ST3GAL3: variants seen among roughly 807,000 people sequenced by gnomAD.
ST3GAL3 encodes CMP-N-acetylneuraminate-beta-1,4-galactoside alpha-2,3-sialyltransferase.
A neutral mutation model predicts 50.1 loss-of-function variants in ST3GAL3; 21 were observed. That is an observed-to-expected ratio of 0.42 (90% CI 0.30 to 0.60). The LOEUF (loss-of-function observed/expected upper bound fraction) is 0.60. Ranked by LOEUF, ST3GAL3 falls within the 20% of genes least tolerant of loss-of-function variation. ST3GAL3 has a pLI of 0.19. For synonymous variants in ST3GAL3, 183 were observed against 190.0 expected (o/e 0.96, Z 0.30); for missense variants, 353 against 489.4 (o/e 0.72, Z 2.63).
chr1:43,927,070 C>G (rs1366196855), intron 11 of ST3GAL3, among the ~76,000 whole-genome samples: 1 of 152,230 alleles, frequency 6.6e-6, no homozygotes, highest in African/African-American at 2.4e-5. Flanking sequence ...TGGCTCACGC[C>G]TGTAATCTCA....
At chr1:43,726,206 T>C (rs1672846959) in intron 1 of ST3GAL3, among the ~76,000 whole-genome samples, 1 of 152,182 alleles carries the variant, frequency 6.6e-6, no homozygotes, top group Non-Finnish European at 1.5e-5. Flanking sequence ...TCTGTCAGAT[T>C]TCTCAACTTC....
intron 5 of ST3GAL3, among the ~76,000 whole-genome samples, chr1:43,874,245 G>A (rs1044531742): frequency 1.3e-5 from 2 of 152,200 alleles, no homozygotes; most frequent in Admixed American, 6.5e-5. Flanking sequence ...TGGTTACTCT[G>A]TTGATAGGTT....
chr1:43,765,966 C>T lies in ST3GAL3; in HGVS notation c.119-26136C>T, dbSNP rs569634100. On this transcript the variant is annotated intron_variant, in intron 2 of 11. Coordinates refer to ENST00000347631, the MANE Select transcript of ST3GAL3 (RefSeq NM_006279.5). ...GAGATAGATGTGTGCTGCAGGGAAG[C>T]ACATGAGCTTCTCTGTGCTTGAAGA... 3.3e-5 allele frequency among the ~76,000 whole-genome samples: 5 copies of T among 152,066 alleles called. No homozygotes were observed. In the South Asian group the frequency reaches 6.2e-4, roughly 19 times the overall value.
intron 9 of ST3GAL3, among the ~76,000 whole-genome samples, chr1:43,905,051 A>G (rs111162316): frequency 3.0e-3 from 72 of 24,302 alleles, no homozygotes; most frequent in Middle Eastern, 0.031. Context: ...TCCTCTTCCC[A>G]CCACTCTTCC....
chr1:43,861,533 C>T (rs1335109577), intron 5 of ST3GAL3, among the ~76,000 whole-genome samples: 1 of 152,084 alleles, frequency 6.6e-6, no homozygotes, highest in Non-Finnish European at 1.5e-5. Context: ...TTTGGCAACT[C>T]CAGCTACACA....
chr1:43,778,354 A>C (rs1698076078), intron 2 of ST3GAL3, among the ~76,000 whole-genome samples: 1 of 152,220 alleles, frequency 6.6e-6, no homozygotes. Context: ...CTGTGCAGCA[A>C]GTCACCATGG....
At chr1:43,860,967 C>T (rs1049038690) in intron 5 of ST3GAL3, among the ~76,000 whole-genome samples, 4 of 152,210 alleles carry the variant, frequency 2.6e-5, no homozygotes, top group Non-Finnish European at 2.9e-5. Context: ...GGTCGGAGGA[C>T]GAGGGGTACA....
intron 5 of ST3GAL3, among the ~76,000 whole-genome samples, chr1:43,860,027 C>T (rs1455843951): frequency 2.0e-5 from 3 of 152,156 alleles, no homozygotes; most frequent in Non-Finnish European, 4.4e-5. Context: ...TGCCCTGTGG[C>T]TGTTGCACAC....
At chr1:43,742,091 C>A (rs1681170361) in intron 2 of ST3GAL3, among the ~76,000 whole-genome samples, 1 of 152,080 alleles carries the variant, frequency 6.6e-6, no homozygotes, top group Non-Finnish European at 1.5e-5. Context: ...CTGAAGCTTA[C>A]CATATAGACA....
chr1:43,875,572 A>G (rs1458275817), intron 5 of ST3GAL3, among the ~76,000 whole-genome samples: 4 of 152,106 alleles, frequency 2.6e-5, no homozygotes, highest in African/African-American at 7.2e-5. Flanking sequence ...GGTTTCCCCC[A>G]TGCTGTTCTC....
At chr1:43,917,605 A>ATATATTATAT (rs55852728) in intron 9 of ST3GAL3, among the ~76,000 whole-genome samples, 1 of 70,766 alleles carries the variant, frequency 1.4e-5, no homozygotes, top group African/African-American at 6.3e-5. Flanking sequence ...TATATATATT[A>ATATATTATAT]TATATTATAT....
chr1:43,819,783 C>G lies in ST3GAL3; in HGVS notation c.209+4850C>G, dbSNP rs960846180. On this transcript the variant is annotated intron_variant, in intron 4 of 11. Coordinates refer to ENST00000347631, the MANE Select transcript of ST3GAL3 (RefSeq NM_006279.5). Reference sequence around the variant, plus strand: ...TTTTTCAGCCCACTCCCCACTCCCCCCTCTAGTAGTACCCAGTATCTGTTC... The same window carrying G: ...TTTTTCAGCCCACTCCCCACTCCCCGCTCTAGTAGTACCCAGTATCTGTTC... 5.9e-5 allele frequency among the ~76,000 whole-genome samples: 9 copies of G among 152,254 alleles called. No homozygotes were observed. The East Asian group carries it at 1.2e-3, about 20-fold the overall frequency.
intron 1 of ST3GAL3, among the ~76,000 whole-genome samples, chr1:43,717,396 A>G (rs1667904797): frequency 6.6e-6 from 1 of 152,214 alleles, no homozygotes; most frequent in Non-Finnish European, 1.5e-5. Context: ...ACATGAGCAG[A>G]TAAACAATAT....
chr1:43,803,418 A>G lies in ST3GAL3; in HGVS notation c.166+11269A>G, dbSNP rs531744269. ...GTGCATTCACCATTTGTTGGATGTA[A>G]GGTTCTCTGTATGTCTGTTAGTTTA... On this transcript the variant is annotated intron_variant, in intron 3 of 11. Transcript: ENST00000347631. Among the ~76,000 whole-genome samples, 45 of 151,956 alleles carry G rather than the reference A, an allele frequency of 3.0e-4. No individual in the cohort carries two copies. The Middle Eastern group carries it at 0.01, about 35-fold the overall frequency.
At chr1:43,883,003 C>G (rs1419918830) in intron 5 of ST3GAL3, among the ~76,000 whole-genome samples, 2 of 151,190 alleles carry the variant, frequency 1.3e-5, no homozygotes, top group Admixed American at 6.6e-5. Flanking sequence ...ACTCTGTTGC[C>G]CAGGCTGGAG....
intron 5 of ST3GAL3, among the ~76,000 whole-genome samples, chr1:43,864,633 A>G (rs892720662): frequency 6.6e-6 from 1 of 152,292 alleles, no homozygotes; most frequent in East Asian, 1.9e-4. Context: ...ACAGCATCAG[A>G]TTTGTGCTTT....
At chr1:43,746,259 T>C (rs1558118196) in intron 2 of ST3GAL3, among the ~76,000 whole-genome samples, 2 of 152,184 alleles carry the variant, frequency 1.3e-5, no homozygotes, top group Non-Finnish European at 2.9e-5. Flanking sequence ...ATTCCTCTTA[T>C]ACGAGGTTCC....
intron 3 of ST3GAL3, among the ~76,000 whole-genome samples, chr1:43,792,717 C>T (rs1281412159): frequency 6.6e-6 from 1 of 152,212 alleles, no homozygotes; most frequent in Non-Finnish European, 1.5e-5. Context: ...GTGCAGGACA[C>T]ACAGATCAGC....
chr1:43,821,443 A>G (rs1166251912), intron 4 of ST3GAL3, among the ~76,000 whole-genome samples: 1 of 152,182 alleles, frequency 6.6e-6, no homozygotes, highest in Non-Finnish European at 1.5e-5. Flanking sequence ...TGGAAGGAAC[A>G]TTCACCGAAG....
Sources: gnomAD v4.1 joint callset for allele counts (sites outside exome capture counted in the v4.1 genomes callset) on GRCh38, gnomAD v4.1.1 for gene constraint, MANE v1.5 for transcripts, NCBI Gene and HGNC (gene_info 2026-07-23, HGNC 2026-07-21) for gene names.